CSMD3: variants seen among roughly 807,000 people sequenced by gnomAD.
The protein encoded by CSMD3 is CUB and sushi domain-containing protein 3.
A neutral mutation model predicts 435.2 loss-of-function variants in CSMD3; 177 were observed. That is an observed-to-expected ratio of 0.41 (90% CI 0.36 to 0.46). CSMD3 has a LOEUF of 0.46. Among genes scored for constraint, CSMD3 ranks in the 20% least tolerant of loss-of-function variants. The pLI, the probability that CSMD3 is intolerant of heterozygous loss-of-function variation, is 0.34. For synonymous variants in CSMD3, 1,656 were observed against 1,520.5 expected, an observed-to-expected ratio of 1.09 and a Z score of -2.07; for missense variants, 4,265 against 4,504.6, an observed-to-expected ratio of 0.95 and a Z score of 1.52.
chr8:112,635,513 T>A (rs1414045477), intron 22 of CSMD3, among the ~76,000 whole-genome samples: 2 of 146,090 alleles, frequency 1.4e-5, no homozygotes, highest in East Asian at 4.0e-4. Context: ...AAAATGTCCT[T>A]AAAAAAAAAA....
At chr8:112,689,151 T>C (rs755231425) in intron 14 of CSMD3, among the ~76,000 whole-genome samples, 7 of 152,048 alleles carry the variant, frequency 4.6e-5, no homozygotes, top group Non-Finnish European at 1.0e-4. Context: ...CGTATGCACT[T>C]TTCCTCTTCT....
intron 32 of CSMD3, among the ~76,000 whole-genome samples, chr8:112,429,880 T>C (rs1294748475): frequency 1.3e-5 from 2 of 151,964 alleles, no homozygotes; most frequent in South Asian, 4.1e-4. Context: ...AAATTATCAG[T>C]GATTTTTCAG....
chr8:112,770,432 C>A (rs2078084141), intron 13 of CSMD3, among the ~76,000 whole-genome samples: 1 of 152,014 alleles, frequency 6.6e-6, no homozygotes, highest in Non-Finnish European at 1.5e-5. Flanking sequence ...AGACACCAAA[C>A]CTACCAATGC....
At chr8:112,634,996 G>T (rs927212282) in intron 22 of CSMD3, among the ~76,000 whole-genome samples, 20 of 151,898 alleles carry the variant, frequency 1.3e-4, no homozygotes, top group Admixed American at 9.9e-4. Flanking sequence ...AAATGGAAGA[G>T]ATAATAATAT....
intron 1 of CSMD3, among the ~76,000 whole-genome samples, chr8:113,428,276 G>A (rs775610055): frequency 2.0e-5 from 3 of 150,392 alleles, no homozygotes; most frequent in African/African-American, 4.9e-5. Flanking sequence ...GTCTAATCAC[G>A]ACTATTGATC....
chr8:112,497,746 A>G (rs1376369843), intron 30 of CSMD3, among the ~76,000 whole-genome samples: 1 of 152,074 alleles, frequency 6.6e-6, no homozygotes, highest in African/African-American at 2.4e-5. Flanking sequence ...TATAAACATC[A>G]TTACAAGCAT....
At chr8:112,335,551 G>C in intron 44 of CSMD3, 77 bp from the exon 45 acceptor site, 1 of 1,232,542 alleles carries the variant, frequency 8.1e-7, no homozygotes, top group Non-Finnish European at 1.2e-6. Context: ...TTTAATAAAA[G>C]TATTGCATAT....
intron 53 of CSMD3, among the ~76,000 whole-genome samples, chr8:112,300,340 C>T (rs1820797110): frequency 1.3e-5 from 2 of 149,684 alleles, no homozygotes; most frequent in Admixed American, 6.7e-5. Context: ...CTTAAAAATG[C>T]ATAAGTAAAC....
chr8:112,617,115 G>C (rs1265165915), intron 22 of CSMD3, among the ~76,000 whole-genome samples: 1 of 152,140 alleles, frequency 6.6e-6, no homozygotes, highest in Non-Finnish European at 1.5e-5. Flanking sequence ...TCATTGGATA[G>C]TGGAGCTGTT....
chr8:112,743,088 C>T (rs1563916848), intron 13 of CSMD3, among the ~76,000 whole-genome samples: 1 of 151,982 alleles, frequency 6.6e-6, no homozygotes, highest in African/African-American at 2.4e-5. Context: ...TTAAGTGACT[C>T]TGTGTGTACA....
chr8:112,405,703 A>G (rs551750706), intron 35 of CSMD3, among the ~76,000 whole-genome samples: 16 of 152,042 alleles, frequency 1.1e-4, no homozygotes, highest in African/African-American at 3.8e-4. Flanking sequence ...TTATAATTTT[A>G]TATTTTTATA....
intron 22 of CSMD3, among the ~76,000 whole-genome samples, chr8:112,620,208 G>T (rs1317898959): frequency 6.6e-6 from 1 of 152,098 alleles, no homozygotes; most frequent in Non-Finnish European, 1.5e-5. Context: ...AGTACACTTG[G>T]ATCTTGATTT....
chr8:112,784,746 C>T (rs1249671254), intron 13 of CSMD3, among the ~76,000 whole-genome samples: 1 of 151,948 alleles, frequency 6.6e-6, no homozygotes, highest in African/African-American at 2.4e-5. Context: ...ACACCAATAA[C>T]AAGTAATGAG....
chr8:112,832,782 T>TA (rs1311306191), intron 11 of CSMD3, among the ~76,000 whole-genome samples: 2 of 152,146 alleles, frequency 1.3e-5, no homozygotes, highest in Non-Finnish European at 2.9e-5. Context: ...AACTGTGAGA[T>TA]AAAAAATTTA....
Position 112,490,359 on chromosome 8 carries a change from T to C in CSMD3, c.5278+2130A>G, listed in dbSNP as rs550437505. ...TATGAACTATTCAACCAACATTAAG[T>C]ATACTTAATTGGGCCATAAGTGATC... is the stretch of plus-strand genomic sequence containing the variant. On this transcript the variant is annotated intron_variant, in intron 31 of 70. Coordinates refer to ENST00000297405, the MANE Select transcript of CSMD3 (RefSeq NM_198123.2). Among the ~76,000 whole-genome samples the C allele has an allele frequency of 2.6e-5, 4 of 152,272 alleles. No homozygotes were observed. In the South Asian group the frequency reaches 8.3e-4, roughly 32 times the overall value.
chr8:113,178,246 G>A (rs60648602), intron 3 of CSMD3, among the ~76,000 whole-genome samples: 14,857 of 151,854 alleles, frequency 0.098, 1,107 homozygotes, highest in African/African-American at 0.2. Context: ...TGTGTAGAAA[G>A]GAAAACTGAG....
At chr8:113,064,584 T>C (rs760355544) in intron 5 of CSMD3, among the ~76,000 whole-genome samples, 2 of 152,064 alleles carry the variant, frequency 1.3e-5, no homozygotes, top group East Asian at 1.9e-4. Context: ...AACTAAGCTA[T>C]TGAGGAAATT....
At position 113,386,372 on chromosome 8, in the gene CSMD3, AAG is replaced by A. The variant is rs1457598441; in HGVS notation, c.178+50303_178+50304del. On this transcript the variant is annotated intron_variant, in intron 1 of 70. Transcript: ENST00000297405. Reference sequence around the variant, plus strand: ...ACTCACTTTCCTTTTCTCTAAAATGAAGACGAAAATATATGTCACTAAGTAAG... The same window carrying A: ...ACTCACTTTCCTTTTCTCTAAAATGAACGAAAATATATGTCACTAAGTAAG... Among the ~76,000 whole-genome samples, 3 of 151,944 alleles carry A rather than the reference AAG, an allele frequency of 2.0e-5. No individual in the cohort carries two copies. In the East Asian group the frequency reaches 5.8e-4, roughly 29 times the overall value.
intron 12 of CSMD3, among the ~76,000 whole-genome samples, chr8:112,805,683 T>C (rs1418073499): frequency 6.6e-6 from 1 of 152,178 alleles, no homozygotes; most frequent in Non-Finnish European, 1.5e-5. Flanking sequence ...CTCTGCAAAG[T>C]TTTTTCTCCG....
Sources: allele counts gnomAD v4.1 joint callset (sites outside exome capture counted in the v4.1 genomes callset), GRCh38; gene constraint gnomAD v4.1.1; transcripts MANE v1.5; gene names NCBI Gene and HGNC (gene_info 2026-07-23, HGNC 2026-07-21).